Variants in F11 observed in about 807,000 individuals in gnomAD.
The protein encoded by F11 is coagualtion factor XI.
In F11, 78 loss-of-function variants were observed where a neutral mutation model predicts 76.5. The ratio of observed to expected loss-of-function variants is 1.02; its 90% CI spans 0.85 to 1.23. F11 has a LOEUF of 1.23. Ranked by LOEUF, F11 falls within the 50% of genes most tolerant of loss-of-function variation. The probability of loss-of-function intolerance (pLI) is 0.00; values close to 1 mark genes in which losing one functional copy is unlikely to be tolerated. For synonymous variants in F11, 278 were observed against 276.3 expected (o/e 1.01, Z -0.06); for missense variants, 742 against 771.4 (o/e 0.96, Z 0.45).
chr4:186,280,084 T>C lies in F11; in HGVS notation c.828T>C (p.Ser276=), dbSNP rs372948403. The change falls in exon 8 of 15, where the codon TCT becomes TCC. Residue 276 remains serine, a synonymous_variant. Coordinates refer to ENST00000403665, the MANE Select transcript of F11 (RefSeq NM_000128.4). ...GCATTAAAAAGAGCAAAGCTCTTTC[T>C]GGTTTCAGTCTACAAAGCTGCAGGC... ...STRIKKSKAL[S]GFSLQSCRHS... is the part of the protein sequence containing the mutation. 6.2e-7 allele frequency: 1 copy of C among 1,614,114 alleles called. No homozygotes were observed. Among genetic ancestry groups the C allele is most frequent in the African/African-American group, 1.3e-5 (1 of 74,946 alleles).
In F11 at chr4:186,274,102, G is replaced by C. The variant is rs746974268; in HGVS notation, c.326-14G>C. ...AATCTGGAAGGTACTCATGTCTTCTGCTTTTATTTCCAGCTTGCAACAAAG... is the reference window on the plus strand; with the variant it reads ...AATCTGGAAGGTACTCATGTCTTCTCCTTTTATTTCCAGCTTGCAACAAAG... On this transcript the variant is annotated splice_polypyrimidine_tract_variant and intron_variant, in intron 4 of 14. Transcript: ENST00000403665. 3.7e-6 allele frequency: 6 copies of C among 1,614,120 alleles called. No individual in the cohort carries two copies. The highest frequency in any genetic ancestry group is 1.7e-5 in the Admixed American group (1 of 60,028).
At chr4:186,284,439 CAG>C (rs1741035509) in intron 11 of F11, among the ~76,000 whole-genome samples, 179 bp downstream of exon 11, 1 of 152,206 alleles carries the variant, frequency 6.6e-6, no homozygotes. Flanking sequence ...AGCATCAGAA[CAG>C]GTGCAGGTAC....
intron 2 of F11, among the ~76,000 whole-genome samples, chr4:186,267,433 A>T (rs1162812957): frequency 6.6e-6 from 1 of 152,250 alleles, no homozygotes; most frequent in Non-Finnish European, 1.5e-5. Context: ...TACATACATC[A>T]TTCATTTAAA....
intron 3 of F11, 149 bp downstream of exon 3, chr4:186,271,920 G>T: frequency 2.0e-6 from 2 of 995,952 alleles, no homozygotes; most frequent in South Asian, 2.8e-5. Context: ...ACAGAAAGAA[G>T]TGATGGTGTT....
chr4:186,279,395 A>T (rs965768089), intron 7 of F11, among the ~76,000 whole-genome samples: 88 of 152,202 alleles, frequency 5.8e-4, no homozygotes, highest in Admixed American at 1.2e-3. Flanking sequence ...AAAAAAAAAA[A>T]ATTTTAAATA....
At chr4:186,282,813 CT>C (rs1179961101) in intron 10 of F11, 3 of 985,258 alleles carry the variant, frequency 3.0e-6, no homozygotes, top group Non-Finnish European at 2.4e-6. Flanking sequence ...ACCTCAGTTG[CT>C]GTTAGCTGCT....
chr4:186,283,855 G>A (rs888788677), intron 10 of F11, among the ~76,000 whole-genome samples: 2 of 152,196 alleles, frequency 1.3e-5, no homozygotes, highest in Non-Finnish European at 2.9e-5. Flanking sequence ...AGACAGCCTT[G>A]TAGTACCACA....
intron 7 of F11, among the ~76,000 whole-genome samples, chr4:186,277,852 G>T (rs1271982298): frequency 6.6e-6 from 1 of 152,138 alleles, no homozygotes; most frequent in East Asian, 1.9e-4. Flanking sequence ...AGATTTGGTT[G>T]CACTGGGTGT....
intron 10 of F11, chr4:186,282,959 T>C: frequency 2.0e-6 from 2 of 985,384 alleles, no homozygotes; most frequent in Non-Finnish European, 2.4e-6. Context: ...TGAATGGACC[T>C]TCTAGGACCC....
chr4:186,271,650 G>C lies in F11; in HGVS notation c.97G>C (p.Gly33Arg). 1 of 1,614,168 alleles carries C rather than the reference G, an allele frequency of 6.2e-7. No homozygotes were observed. The highest frequency in any genetic ancestry group is 8.5e-7 in the Non-Finnish European group (1 of 1,180,022). Residue 33 changes from glycine to arginine, a missense_variant, in exon 3 of 15, where the codon GGG (glycine) becomes CGG (arginine). Transcript: ENST00000403665. ...GTTGAAGGACACCTGCTTTGAAGGA[G>C]GGGACATTACTACGGTCTTCACACC... ...QLLKDTCFEG[G>R]DITTVFTPSA... is the part of the protein sequence containing the mutation.
At chr4:186,276,153 G>A in intron 6 of F11, 78 bp from the exon 7 acceptor site, 1 of 1,542,568 alleles carries the variant, frequency 6.5e-7, no homozygotes, top group Non-Finnish European at 8.9e-7. Context: ...TTTTAATATG[G>A]AATTTACACA....
chr4:186,287,105 C>T (rs1187392879), intron 13 of F11, among the ~76,000 whole-genome samples: 2 of 151,850 alleles, frequency 1.3e-5, no homozygotes, highest in Non-Finnish European at 2.9e-5. Context: ...TCCCGAGTAG[C>T]TGGGATTATA....
At position 186,288,436 on chromosome 4, in the gene F11, G is replaced by C. The variant is rs751802986; in HGVS notation, c.1717-17G>C. On this transcript the variant is annotated splice_polypyrimidine_tract_variant and intron_variant, in intron 14 of 14. Coordinates refer to ENST00000403665, the MANE Select transcript of F11 (RefSeq NM_000128.4). The stretch of plus-strand genomic sequence containing the variant: ...TGAGTTGATCTGTGCACCTTTTCTT[G>C]TCTCCCCTCGTTCTAGGGAGATTCG... 8 of 1,613,830 alleles carry C rather than the reference G, an allele frequency of 5.0e-6. No individual in the cohort carries two copies. Among genetic ancestry groups the C allele is most frequent in the Non-Finnish European group, 4.2e-6 (5 of 1,179,894 alleles).
rs772323988 is a variant in F11, at chr4:186,288,566, C to T, written c.1830C>T (p.Asn610=). The T allele has an allele frequency of 2.3e-5, 37 of 1,614,006 alleles. No individual in the cohort carries two copies. The highest frequency in any genetic ancestry group is 3.1e-5 in the Non-Finnish European group (36 of 1,180,026). ...AQRERPGVYT[N]VVEYVDWILE... ...GGGAGCGGCCAGGTGTTTACACCAA[C>T]GTGGTCGAGTACGTGGACTGGATTC... Residue 610 remains asparagine, a synonymous_variant, in exon 15 of 15, where the codon AAC becomes AAT. Transcript: ENST00000403665.
rs1740702281 is a variant in F11 at position 186,280,320 on chromosome 4, C to T, written c.963C>T (p.Cys321=). 3 of 1,614,170 alleles carry T rather than the reference C, an allele frequency of 1.9e-6. No homozygotes were observed. The East Asian group carries it at 6.7e-5, about 36-fold the overall frequency. The change falls in exon 9 of 15, where the codon TGC becomes TGT. Residue 321 remains cysteine, a synonymous_variant. Transcript: ENST00000403665. The part of the protein sequence containing the change: ...AKSHEACQKL[C]TNAVRCQFFT... ...GTCACGAGGCCTGCCAGAAACTGTG[C>T]ACCAATGCCGTCCGCTGCCAGTTTT...
intron 4 of F11, among the ~76,000 whole-genome samples, chr4:186,273,482 T>C (rs556088472): frequency 1.5e-4 from 23 of 152,090 alleles, no homozygotes; most frequent in Non-Finnish European, 2.8e-4. Flanking sequence ...AGACAGGGTC[T>C]CACTCTGTTG....
chr4:186,270,819 G>A (rs1739895509), intron 2 of F11, among the ~76,000 whole-genome samples: 2 of 151,234 alleles, frequency 1.3e-5, no homozygotes, highest in Admixed American at 1.3e-4. Context: ...TCAGCCTCCC[G>A]AGTAGCTGGG....
chr4:186,289,740 T>A (rs1257000489), downstream of F11, among the ~76,000 whole-genome samples: 3 of 150,698 alleles, frequency 2.0e-5, no homozygotes, highest in African/African-American at 4.9e-5. Flanking sequence ...TGGAGTGCAG[T>A]GGTGTGATCT....
intron 10 of F11, chr4:186,283,062 T>A: frequency 1.0e-6 from 1 of 984,428 alleles, no homozygotes; most frequent in Non-Finnish European, 1.2e-6. Context: ...TTATTCTAAA[T>A]GTGATCTGGG....
Sources: gnomAD v4.1 joint callset for allele counts (sites outside exome capture counted in the v4.1 genomes callset) on GRCh38, gnomAD v4.1.1 for gene constraint, MANE v1.5 for transcripts, NCBI Gene and HGNC (gene_info 2026-07-23, HGNC 2026-07-21) for gene names.